The following TMOD2 variants were observed in gnomAD, a reference collection of about 807,000 sequenced individuals.
TMOD2 encodes the protein tropomodulin 2.
A neutral mutation model predicts 39.9 loss-of-function variants in TMOD2; 22 were observed. The observed-to-expected ratio is 0.55, with a 90% CI of 0.39 to 0.79. TMOD2 has a LOEUF of 0.79. Among genes scored for constraint, TMOD2 ranks in the 30% least tolerant of loss-of-function variants. TMOD2 has a pLI of 0.00. For missense variants in TMOD2, 386 were observed against 413.3 expected, an observed-to-expected ratio of 0.93 and a Z score of 0.57; for synonymous variants, 123 against 146.1, an observed-to-expected ratio of 0.84 and a Z score of 1.14.
chr15:51,801,842 A>G (rs982237831), intron 8 of TMOD2, among the ~76,000 whole-genome samples: 4 of 152,080 alleles, frequency 2.6e-5, no homozygotes, highest in African/African-American at 7.2e-5. Context: ...CTCTAGTCCC[A>G]GCTACTTAGG....
intron 8 of TMOD2, among the ~76,000 whole-genome samples, chr15:51,799,990 A>G (rs1216085279): frequency 6.6e-6 from 1 of 152,240 alleles, no homozygotes; most frequent in East Asian, 1.9e-4. Flanking sequence ...CCACCTAGCT[A>G]AGGTTGCCAC....
chr15:51,781,044 A>T lies in TMOD2; in HGVS notation c.494A>T (p.Asn165Ile). The change falls in exon 6 of 10, where the codon AAT becomes ATT. Residue 165 changes from asparagine to isoleucine, a missense_variant and splice_region_variant. Physicochemically the swap from Asn to Ile is moderately radical, Grantham distance 149 (BLOSUM62 -3). Transcript: ENST00000249700. ...TTTAAAATGAAAACTTGTGTTTTAG[A>T]TGTTGTCAAAGGTGAAAAAGTAAAG... The part of the protein sequence containing the change: ...NNKGGKGPVR[N>I]VVKGEKVKPV... 6.3e-7 allele frequency: 1 copy of T among 1,589,016 alleles called. No homozygotes were observed. Among genetic ancestry groups the T allele is most frequent in the Non-Finnish European group, 8.5e-7 (1 of 1,171,964 alleles).
In TMOD2 at chr15:51,768,511, T is replaced by G. The variant is rs191226890; in HGVS notation, c.283+93T>G. 1.8e-3 allele frequency: 2,327 copies of G among 1,271,054 alleles called. 5 individuals carry two copies. Among genetic ancestry groups the G allele is most frequent in the Non-Finnish European group, 2.4e-3 (2,242 of 925,412 alleles). The allele number at this position is 1,271,054 out of a possible 1,614,324, so 78.7% of individuals were successfully genotyped here. On this transcript the variant is annotated intron_variant, in intron 3 of 9. Transcript: ENST00000249700. ...TCTTAATTAAGATTACCTCTTTTTA[T>G]TTTATTGTCGTGGAGGATCAAGCAA...
rs527755218 is a variant in TMOD2, at chr15:51,753,758, G to GA, written c.-70+2060dup. On this transcript the variant is annotated intron_variant, in intron 1 of 9. Transcript: ENST00000249700. ...ACATCTGCAACTTTCAGCTGTGTCAGAAAAAAAAAAAAAAGGATAGGGGTA... is the reference window on the plus strand; with the variant it reads ...ACATCTGCAACTTTCAGCTGTGTCAGAAAAAAAAAAAAAAAGGATAGGGGTA... Among the ~76,000 whole-genome samples the GA allele has an allele frequency of 6.8e-3, 839 of 123,010 alleles. 4 individuals carry two copies. Among genetic ancestry groups the GA allele is most frequent in the African/African-American group, 0.01 (338 of 33,016 alleles). The allele number at this position is 123,010 out of a possible 152,430, so 80.7% of individuals were successfully genotyped here.
intron 5 of TMOD2, among the ~76,000 whole-genome samples, chr15:51,778,094 C>A (rs1340567835): frequency 6.6e-6 from 1 of 151,308 alleles, no homozygotes; most frequent in Non-Finnish European, 1.5e-5. Context: ...AGCCAAATGT[C>A]CAACAATGAT....
Position 51,766,888 on chromosome 15 carries a change from T to G in TMOD2, c.126+321T>G, listed in dbSNP as rs190298538. 2.8e-3 allele frequency: 516 copies of G among 182,704 alleles called. 2 individuals carry two copies. The highest frequency in any genetic ancestry group is 3.5e-3 in the Non-Finnish European group (307 of 86,972). The allele number at this position is 182,704 out of a possible 1,614,324, so 11.3% of individuals were successfully genotyped here. A position where few individuals can be genotyped will look rare whatever the true frequency, so the allele number is the denominator to read the frequency against. On this transcript the variant is annotated intron_variant, in intron 2 of 9. Coordinates refer to ENST00000249700, the MANE Select transcript of TMOD2 (RefSeq NM_014548.4). ...AGAGCAAATCTTACTGAGTTTTTTC[T>G]GAGTCATATATTTCTCTGGGCACAG...
At chr15:51,778,757 C>T (rs997575459) in intron 5 of TMOD2, among the ~76,000 whole-genome samples, 4 of 146,004 alleles carry the variant, frequency 2.7e-5, no homozygotes, top group Non-Finnish European at 4.5e-5. Context: ...TGGGTTCAAG[C>T]GATTCTCCTG....
chr15:51,786,982 GT>G (rs1475506922), intron 7 of TMOD2, among the ~76,000 whole-genome samples: 1 of 152,244 alleles, frequency 6.6e-6, no homozygotes, highest in Non-Finnish European at 1.5e-5. Flanking sequence ...TGGTTGGACA[GT>G]GGGTGCAGCC....
chr15:51,801,849 T>C (rs2056092420), intron 8 of TMOD2, among the ~76,000 whole-genome samples: 1 of 151,952 alleles, frequency 6.6e-6, no homozygotes, highest in South Asian at 2.1e-4. Context: ...CCCAGCTACT[T>C]AGGAGGCTGA....
At chr15:51,774,687 C>T (rs2055875684) in intron 4 of TMOD2, among the ~76,000 whole-genome samples, 1 of 152,092 alleles carries the variant, frequency 6.6e-6, no homozygotes, top group Non-Finnish European at 1.5e-5. Context: ...ATATTGACCA[C>T]TGCAGGAGTT....
At chr15:51,768,538 G>C (rs1217562285) in intron 3 of TMOD2, 120 bp downstream of exon 3, 75 of 1,040,876 alleles carry the variant, frequency 7.2e-5, no homozygotes, top group Non-Finnish European at 9.5e-5. Context: ...ATCAAGCAAG[G>C]GAACTGTCCC....
rs1476654601 is a variant in TMOD2, at chr15:51,816,159, C to T, written c.*7705C>T. 6.6e-6 allele frequency: 1 copy of T among 152,072 alleles called. No homozygotes were observed. The allele number at this position is 152,072 out of a possible 1,614,324, so 9.4% of individuals were successfully genotyped here. A position where few individuals can be genotyped will look rare whatever the true frequency, so the allele number is the denominator to read the frequency against. On this transcript the variant is annotated 3_prime_UTR_variant, in exon 10 of 10. Transcript: ENST00000249700. ...TTTTACCCTGGATAATTATTCAGGA[C>T]CCCAGTTGGCCCAAATAGGTGCAAT...
chr15:51,785,957 A>G lies in TMOD2; in HGVS notation c.732+3129A>G, dbSNP rs192100582. On this transcript the variant is annotated intron_variant, in intron 7 of 9. Coordinates refer to ENST00000249700, the MANE Select transcript of TMOD2 (RefSeq NM_014548.4). Reference sequence around the variant, plus strand: ...ATCACTAAAACATTTTAAATTTAACATTTAATTTAAACATTTTTAATTTAT... The same window carrying G: ...ATCACTAAAACATTTTAAATTTAACGTTTAATTTAAACATTTTTAATTTAT... Among the ~76,000 whole-genome samples, 25 of 152,324 alleles carry G rather than the reference A, an allele frequency of 1.6e-4. No homozygotes were observed. In the East Asian group the frequency reaches 4.8e-3, roughly 29 times the overall value.
chr15:51,805,124 A>C (rs768808675), intron 8 of TMOD2, among the ~76,000 whole-genome samples: 8 of 151,516 alleles, frequency 5.3e-5, no homozygotes, highest in Non-Finnish European at 7.4e-5. Flanking sequence ...ATGCCCAGCA[A>C]ATTTTTTGTA....
intron 8 of TMOD2, among the ~76,000 whole-genome samples, chr15:51,800,926 A>G (rs1308881883): frequency 6.6e-6 from 1 of 152,164 alleles, no homozygotes; most frequent in Non-Finnish European, 1.5e-5. Flanking sequence ...GTTGTTCTCA[A>G]ACTCCTGGGT....
At chr15:51,794,085 C>T (rs2056031152) in intron 7 of TMOD2, among the ~76,000 whole-genome samples, 2 of 152,180 alleles carry the variant, frequency 1.3e-5, no homozygotes, top group Non-Finnish European at 2.9e-5. Flanking sequence ...CAATTTTGCC[C>T]TCCAGGGGAC....
chr15:51,762,881 T>C (rs2055790885), intron 1 of TMOD2, among the ~76,000 whole-genome samples: 1 of 152,242 alleles, frequency 6.6e-6, no homozygotes, highest in South Asian at 2.1e-4. Flanking sequence ...CAATAGTTCA[T>C]TCCCTTTTAT....
In TMOD2 at chr15:51,806,429, A is replaced by C; in HGVS notation, c.929A>C (p.Glu310Ala). The C allele has an allele frequency of 6.2e-7, 1 of 1,614,244 alleles. No individual in the cohort carries two copies. The highest frequency in any genetic ancestry group is 8.5e-7 in the Non-Finnish European group (1 of 1,180,028). Reference sequence around the variant, plus strand: ...ATGGAAATTGCCCAGATGCTGGAGGAGAATTCAAGGATCCTCAAGTTTGGA... The same window carrying C: ...ATGGAAATTGCCCAGATGCTGGAGGCGAATTCAAGGATCCTCAAGTTTGGA... The part of the protein sequence containing the change: ...VEMEIAQMLE[E>A]NSRILKFGYQ... Residue 310 changes from glutamate to alanine, a missense_variant, in exon 9 of 10, where the codon GAG becomes GCG. Physicochemically the swap from Glu to Ala is moderately radical, Grantham distance 107 (BLOSUM62 -1). Coordinates refer to ENST00000249700, the MANE Select transcript of TMOD2 (RefSeq NM_014548.4).
chr15:51,772,726 G>A (rs973069489), intron 3 of TMOD2, among the ~76,000 whole-genome samples: 3 of 152,058 alleles, frequency 2.0e-5, no homozygotes, highest in Non-Finnish European at 4.4e-5. Flanking sequence ...CTCTAGAGAG[G>A]TGGCTATGTC....
Sources: allele counts gnomAD v4.1 joint callset (sites outside exome capture counted in the v4.1 genomes callset), GRCh38; gene constraint gnomAD v4.1.1; transcripts MANE v1.5; gene names NCBI Gene and HGNC (gene_info 2026-07-23, HGNC 2026-07-21).